The following RNF180 variants were observed in gnomAD, a reference collection of about 807,000 sequenced individuals.
RNF180 encodes the protein ring finger protein 180, also known as E3 ubiquitin-protein ligase RNF180.
RNF180 carries 38 observed loss-of-function variants against 59.2 expected under a neutral mutation model. The observed-to-expected ratio is 0.64, with a 90% CI of 0.50 to 0.84. RNF180 has a LOEUF of 0.84. Among genes scored for constraint, RNF180 ranks in the 40% least tolerant of loss-of-function variants. RNF180 has a pLI of 0.00. For missense variants in RNF180, 705 were observed against 700.9 expected, an observed-to-expected ratio of 1.01 and a Z score of -0.07; for synonymous variants, 262 against 240.3, an observed-to-expected ratio of 1.09 and a Z score of -0.84.
intron 5 of RNF180, among the ~76,000 whole-genome samples, chr5:64,218,982 CTAA>C (rs1303014129): frequency 6.6e-6 from 1 of 152,072 alleles, no homozygotes; most frequent in Non-Finnish European, 1.5e-5. Flanking sequence ...TTGCTAAATG[CTAA>C]TGTTTTATTA....
At chr5:64,180,818 G>A (rs1280963677) in intron 1 of RNF180, among the ~76,000 whole-genome samples, 2 of 152,168 alleles carry the variant, frequency 1.3e-5, no homozygotes, top group Admixed American at 6.5e-5. Context: ...GGCAGAAACT[G>A]CTGAATTTCT....
chr5:64,346,226 T>C (rs939422139), intron 7 of RNF180, among the ~76,000 whole-genome samples: 5 of 151,510 alleles, frequency 3.3e-5, no homozygotes, highest in Admixed American at 1.3e-4. Flanking sequence ...TCCAAGGTCC[T>C]CAACTCACAT....
rs1238401949 is a variant in RNF180, at chr5:64,371,910, A to G, written c.*2096A>G. On this transcript the variant is annotated 3_prime_UTR_variant, in exon 8 of 8. Coordinates refer to ENST00000389100, the MANE Select transcript of RNF180 (RefSeq NM_001113561.2). ...CAGTTTCTTCTGGTATGTAGCACAC[A>G]GTAGCCATTCAAAATAAAATACATG... The G allele has an allele frequency of 6.6e-6, 1 of 151,636 alleles. No individual in the cohort carries two copies. The highest frequency in any genetic ancestry group is 6.6e-5 in the Admixed American group (1 of 15,170). 9.4% of individuals were successfully genotyped at this position (151,636 alleles called of 1,614,324 possible).
chr5:64,286,269 T>C (rs1462428992), intron 5 of RNF180, among the ~76,000 whole-genome samples: 1 of 152,240 alleles, frequency 6.6e-6, no homozygotes, highest in Non-Finnish European at 1.5e-5. Flanking sequence ...ACCAGAACTA[T>C]GGAGAACCTT....
chr5:64,276,224 A>G (rs1741703052), intron 5 of RNF180, among the ~76,000 whole-genome samples: 1 of 152,026 alleles, frequency 6.6e-6, no homozygotes, highest in African/African-American at 2.4e-5. Flanking sequence ...TTATCCACAT[A>G]CTGTTGTGTC....
At chr5:64,223,743 C>T (rs1302970301) in intron 5 of RNF180, among the ~76,000 whole-genome samples, 1 of 151,982 alleles carries the variant, frequency 6.6e-6, no homozygotes, top group Admixed American at 6.6e-5. Flanking sequence ...CTTCATTCAT[C>T]CTTTCCTTCA....
chr5:64,237,276 C>A (rs977290893), intron 5 of RNF180, among the ~76,000 whole-genome samples: 1 of 152,206 alleles, frequency 6.6e-6, no homozygotes, highest in Non-Finnish European at 1.5e-5. Context: ...TATGTGAGAC[C>A]TGGAGTCAAA....
upstream of RNF180, among the ~76,000 whole-genome samples, chr5:64,165,579 T>G (rs1320363950): frequency 6.6e-6 from 1 of 152,234 alleles, no homozygotes; most frequent in Non-Finnish European, 1.5e-5. Context: ...GGATAATTTC[T>G]GTGGCTCTGG....
At chr5:64,236,111 G>A (rs1276289971) in intron 5 of RNF180, among the ~76,000 whole-genome samples, 1 of 152,224 alleles carries the variant, frequency 6.6e-6, no homozygotes, top group East Asian at 1.9e-4. Flanking sequence ...GAAGAAGACA[G>A]GAAGATGTGG....
chr5:64,226,159 A>G (rs1741743679), intron 5 of RNF180, among the ~76,000 whole-genome samples: 1 of 152,132 alleles, frequency 6.6e-6, no homozygotes, highest in African/African-American at 2.4e-5. Context: ...TGTACCCCAC[A>G]GCTCCGAAGA....
At chr5:64,211,077 G>A (rs751220315) in intron 2 of RNF180, among the ~76,000 whole-genome samples, 2 of 152,282 alleles carry the variant, frequency 1.3e-5, no homozygotes, top group East Asian at 3.9e-4. Flanking sequence ...TCAGCTTCTG[G>A]TGGTATCCTT....
chr5:64,262,884 T>C (rs757714443), intron 5 of RNF180, among the ~76,000 whole-genome samples: 3 of 152,178 alleles, frequency 2.0e-5, no homozygotes, highest in Non-Finnish European at 4.4e-5. Flanking sequence ...CTGACAGTGA[T>C]GTCTCTGCCT....
chr5:64,188,323 C>G (rs1750970233), intron 1 of RNF180, among the ~76,000 whole-genome samples: 1 of 151,920 alleles, frequency 6.6e-6, no homozygotes, highest in East Asian at 1.9e-4. Flanking sequence ...ACATAAGGTC[C>G]TGAGCACTTA....
chr5:64,279,147 A>G (rs1741875160), intron 5 of RNF180, among the ~76,000 whole-genome samples: 1 of 152,192 alleles, frequency 6.6e-6, no homozygotes, highest in South Asian at 2.1e-4. Flanking sequence ...AGAAAAACAA[A>G]GAGTTAGAAG....
chr5:64,325,863 A>G (rs1199341180), intron 6 of RNF180, among the ~76,000 whole-genome samples: 2 of 152,190 alleles, frequency 1.3e-5, no homozygotes, highest in Non-Finnish European at 2.9e-5. Context: ...TAATGTTCTT[A>G]AGGTTAAGGT....
intron 1 of RNF180, among the ~76,000 whole-genome samples, chr5:64,166,903 C>T (rs747457971): frequency 1.3e-5 from 2 of 152,204 alleles, no homozygotes; most frequent in African/African-American, 4.8e-5. Flanking sequence ...GTCTGATGCT[C>T]ATTGTATTTT....
intron 1 of RNF180, among the ~76,000 whole-genome samples, chr5:64,184,702 T>C (rs1315509671): frequency 6.6e-6 from 1 of 152,144 alleles, no homozygotes; most frequent in Non-Finnish European, 1.5e-5. Flanking sequence ...AACTGAGAAA[T>C]TTATATAAAG....
chr5:64,354,376 T>G (rs538502474), intron 7 of RNF180, among the ~76,000 whole-genome samples: 116 of 151,806 alleles, frequency 7.6e-4, no homozygotes, highest in South Asian at 3.9e-3. Context: ...TATAAAAACA[T>G]ACAAATTATC....
intron 7 of RNF180, among the ~76,000 whole-genome samples, chr5:64,357,787 C>T (rs1354982051): frequency 6.6e-6 from 1 of 151,702 alleles, no homozygotes; most frequent in Non-Finnish European, 1.5e-5. Flanking sequence ...AATATAAATT[C>T]GAATCATATT....
Sources: allele counts gnomAD v4.1 joint callset (sites outside exome capture counted in the v4.1 genomes callset), GRCh38; gene constraint gnomAD v4.1.1; transcripts MANE v1.5; gene names NCBI Gene and HGNC (gene_info 2026-07-23, HGNC 2026-07-21).